Variants in SMC5 observed in about 807,000 individuals in gnomAD.
SMC5 encodes structural maintenance of chromosomes protein 5.
In SMC5, 88 loss-of-function variants were observed where a neutral mutation model predicts 148.3. The observed-to-expected ratio is 0.59, with a 90% CI of 0.50 to 0.71. The LOEUF (loss-of-function observed/expected upper bound fraction) is 0.71, where lower values mean the gene tolerates loss of function less well. Among genes scored for constraint, SMC5 ranks in the 30% least tolerant of loss-of-function variants. SMC5 has a pLI of 0.00. For synonymous variants in SMC5, 421 were observed against 432.8 expected (o/e 0.97, Z 0.34); for missense variants, 1,142 against 1,298.9 (o/e 0.88, Z 1.86).
At chr9:70,280,285 T>A (rs2034714057) in intron 5 of SMC5, among the ~76,000 whole-genome samples, 1 of 152,242 alleles carries the variant, frequency 6.6e-6, no homozygotes, top group Non-Finnish European at 1.5e-5. Context: ...ATTGACACCA[T>A]AATGGCTAAT....
chr9:70,280,040 C>T (rs958695311), intron 5 of SMC5, among the ~76,000 whole-genome samples: 1 of 151,994 alleles, frequency 6.6e-6, no homozygotes, highest in Admixed American at 6.5e-5. Flanking sequence ...CCTTTGTCCA[C>T]CAGACAGGGA....
At chr9:70,333,225 A>G (rs2036268512) in intron 17 of SMC5, among the ~76,000 whole-genome samples, 1 of 152,250 alleles carries the variant, frequency 6.6e-6, no homozygotes, top group South Asian at 2.1e-4. Flanking sequence ...AGTTCAATAT[A>G]TAGAAATTCA....
At chr9:70,301,454 C>G (rs1001397891) in intron 10 of SMC5, among the ~76,000 whole-genome samples, 6 of 152,186 alleles carry the variant, frequency 3.9e-5, no homozygotes, top group Non-Finnish European at 7.4e-5. Flanking sequence ...CCTACATTCA[C>G]ATCTTCCACG....
intron 7 of SMC5, among the ~76,000 whole-genome samples, chr9:70,284,300 G>A (rs893336918): frequency 2.0e-5 from 3 of 152,142 alleles, no homozygotes; most frequent in Non-Finnish European, 2.9e-5. Flanking sequence ...CTGAAAAAGC[G>A]TTGCCATTGG....
chr9:70,294,286 G>A (rs570845271), intron 8 of SMC5, among the ~76,000 whole-genome samples: 1 of 152,270 alleles, frequency 6.6e-6, no homozygotes, highest in South Asian at 2.1e-4. Flanking sequence ...AGTGTAATAG[G>A]TTTATCTGGT....
intron 3 of SMC5, among the ~76,000 whole-genome samples, chr9:70,274,480 T>A (rs2034535334): frequency 6.6e-6 from 1 of 152,036 alleles, no homozygotes; most frequent in Non-Finnish European, 1.5e-5. Flanking sequence ...TTTTTTTTTT[T>A]TCCCAGTATT....
At position 70,281,332 on chromosome 9, in the gene SMC5, G is replaced by A. The variant is rs114084879; in HGVS notation, c.819+433G>A. Among the ~76,000 whole-genome samples the A allele has an allele frequency of 8.3e-3, 1,266 of 152,138 alleles. 11 individuals are homozygous for A. Among genetic ancestry groups the A allele is most frequent in the Middle Eastern group, 0.021 (6 of 292 alleles). On this transcript the variant is annotated intron_variant, in intron 6 of 24. Transcript: ENST00000361138. ...ACTGATTACGGGTGTGAGCCACCGC[G>A]CCAGGCTTTCTTTTACTAGTTTATT...
chr9:70,314,348 T>C (rs1390381437), intron 11 of SMC5, among the ~76,000 whole-genome samples: 2 of 152,150 alleles, frequency 1.3e-5, no homozygotes, highest in African/African-American at 4.8e-5. Flanking sequence ...CTTCTTTCTT[T>C]TGTCCATCTC....
At chr9:70,265,104 G>C (rs1361893208) in intron 2 of SMC5, among the ~76,000 whole-genome samples, 1 of 152,122 alleles carries the variant, frequency 6.6e-6, no homozygotes, top group Non-Finnish European at 1.5e-5. Context: ...AATACTGCCC[G>C]AACAATCCAG....
At chr9:70,278,825 A>G (rs1489442646) in intron 5 of SMC5, among the ~76,000 whole-genome samples, 200 bp downstream of exon 5, 1 of 152,184 alleles carries the variant, frequency 6.6e-6, no homozygotes, top group Non-Finnish European at 1.5e-5. Context: ...AAGGTTGACT[A>G]TTTCAGCAAA....
intron 4 of SMC5, among the ~76,000 whole-genome samples, chr9:70,277,756 C>A (rs1271688405): frequency 6.6e-6 from 1 of 151,918 alleles, no homozygotes; most frequent in African/African-American, 2.4e-5. Flanking sequence ...ATTTGTAGAA[C>A]CTTAAAATGT....
At chr9:70,329,924 A>G (rs892717964) in intron 17 of SMC5, among the ~76,000 whole-genome samples, 1 of 152,178 alleles carries the variant, frequency 6.6e-6, no homozygotes, top group Admixed American at 6.5e-5. Context: ...AAGAGGAATC[A>G]GGCACGTCTT....
Position 70,352,036 on chromosome 9 carries a change from G to A in SMC5, c.3166-155G>A, listed in dbSNP as rs532655339. The stretch of plus-strand genomic sequence containing the variant: ...GTGGAGGTTGCACTGAGCTGAGATC[G>A]CACCTCTGTACTCCGGCCTGAGCAG... On this transcript the variant is annotated intron_variant, in intron 24 of 24. Transcript: ENST00000361138. Among the ~76,000 whole-genome samples, 22 of 152,134 alleles carry A rather than the reference G, an allele frequency of 1.4e-4. No homozygotes were observed. In the South Asian group the frequency reaches 1.5e-3, roughly 10 times the overall value.
intron 1 of SMC5, among the ~76,000 whole-genome samples, chr9:70,260,121 T>C (rs905294084): frequency 6.6e-6 from 1 of 152,016 alleles, no homozygotes; most frequent in African/African-American, 2.4e-5. Context: ...GTTTTTGTTT[T>C]TGAGACGGAG....
chr9:70,328,023 T>A (rs1399380257), intron 17 of SMC5, among the ~76,000 whole-genome samples: 1 of 152,098 alleles, frequency 6.6e-6, no homozygotes, highest in East Asian at 1.9e-4. Context: ...AACAACCGGA[T>A]CTTGTGAGAA....
At chr9:70,272,534 G>A (rs1299005697) in intron 3 of SMC5, among the ~76,000 whole-genome samples, 3 of 151,990 alleles carry the variant, frequency 2.0e-5, no homozygotes, top group Non-Finnish European at 4.4e-5. Context: ...GCAACATAGC[G>A]AGACTCCATC....
intron 3 of SMC5, among the ~76,000 whole-genome samples, chr9:70,276,139 T>A (rs1403521811): frequency 6.6e-6 from 1 of 152,234 alleles, no homozygotes; most frequent in Non-Finnish European, 1.5e-5. Flanking sequence ...ATGTACAGAA[T>A]TCTCAGCTTG....
At chr9:70,326,971 G>A (rs1251818165) in intron 17 of SMC5, among the ~76,000 whole-genome samples, 1 of 152,014 alleles carries the variant, frequency 6.6e-6, no homozygotes, top group Non-Finnish European at 1.5e-5. Flanking sequence ...TTACGTTAAT[G>A]TAATTACAGT....
intron 9 of SMC5, among the ~76,000 whole-genome samples, chr9:70,299,096 C>T (rs369280201): frequency 2.6e-5 from 4 of 152,002 alleles, no homozygotes; most frequent in Admixed American, 6.5e-5. Context: ...AGTACTCCCT[C>T]GCACCCTTGC....
Sources: gnomAD v4.1 joint callset for allele counts (sites outside exome capture counted in the v4.1 genomes callset) on GRCh38, gnomAD v4.1.1 for gene constraint, MANE v1.5 for transcripts, NCBI Gene and HGNC (gene_info 2026-07-23, HGNC 2026-07-21) for gene names.